Variants in SH3PXD2B observed in about 807,000 individuals in gnomAD.
SH3PXD2B encodes SH3 and PX domain-containing protein 2B.
Under a neutral mutation model 73.1 loss-of-function variants are expected in SH3PXD2B, and 37 were observed. The ratio of observed to expected loss-of-function variants is 0.51; its 90% confidence interval spans 0.39 to 0.67. The LOEUF (loss-of-function observed/expected upper bound fraction) is 0.67, where lower values mean the gene tolerates loss of function less well. Ranked by LOEUF, SH3PXD2B falls within the 30% of genes least tolerant of loss-of-function variation. The probability of loss-of-function intolerance (pLI) is 0.00; values close to 1 mark genes in which losing one functional copy is unlikely to be tolerated. For missense variants in SH3PXD2B, 1,053 were observed against 1,197.8 expected, an observed-to-expected ratio of 0.88 and a Z score of 1.78; for synonymous variants, 457 against 480.5, an observed-to-expected ratio of 0.95 and a Z score of 0.64.
In SH3PXD2B at chr5:172,432,927, G is replaced by A. The variant is rs1482873854; in HGVS notation, c.76-10431C>T. ...ACTCTGTCTGTCTCAAAAAAAAAAG[G>A]GGGGGGGGGGGGAAGAATTGACTGT... On this transcript the variant is annotated intron_variant, in intron 1 of 12. Transcript: ENST00000311601. Among the ~76,000 whole-genome samples the A allele has an allele frequency of 3.6e-3, 151 of 42,038 alleles. 3 individuals carry two copies. Among genetic ancestry groups the A allele is most frequent in the African/African-American group, 0.012 (119 of 9,742 alleles). 27.6% of individuals were successfully genotyped at this position (42,038 alleles called of 152,430 possible).
chr5:172,447,129 A>C (rs1203827939), intron 1 of SH3PXD2B, among the ~76,000 whole-genome samples: 4 of 152,234 alleles, frequency 2.6e-5, no homozygotes, highest in Non-Finnish European at 2.9e-5. Context: ...TTTTATTTTT[A>C]CTAAAAACAA....
intron 1 of SH3PXD2B, among the ~76,000 whole-genome samples, chr5:172,431,446 C>T (rs1272509631): frequency 6.6e-6 from 1 of 152,246 alleles, no homozygotes; most frequent in East Asian, 1.9e-4. Context: ...CCAGGCCTGC[C>T]CGCCCACCGG....
intron 12 of SH3PXD2B, among the ~76,000 whole-genome samples, chr5:172,340,259 G>A (rs1756822156): frequency 6.6e-6 from 1 of 152,216 alleles, no homozygotes; most frequent in South Asian, 2.1e-4. Flanking sequence ...GCAAGTTATT[G>A]CTCGGGGCCA....
At chr5:172,409,296 T>C (rs6891213) in intron 2 of SH3PXD2B, among the ~76,000 whole-genome samples, 65,127 of 151,798 alleles carry the variant, frequency 0.43, 14,743 homozygotes, top group East Asian at 0.7. Context: ...GCAGGAGAAT[T>C]GCTTGAACCT....
intron 1 of SH3PXD2B, among the ~76,000 whole-genome samples, chr5:172,449,141 T>C (rs1759739441): frequency 6.6e-6 from 1 of 152,152 alleles, no homozygotes. Context: ...TGCAGAGCCA[T>C]CACTCCAGGG....
At chr5:172,329,083 A>ATATTT (rs58472514), downstream of SH3PXD2B, among the ~76,000 whole-genome samples, 99 of 61,798 alleles carry the variant, frequency 1.6e-3, 3 homozygotes, top group East Asian at 6.7e-3. Context: ...ATATATATAT[A>ATATTT]TTTTTTTTTT....
intron 1 of SH3PXD2B, among the ~76,000 whole-genome samples, chr5:172,433,854 C>T (rs1759308388): frequency 6.6e-6 from 1 of 152,168 alleles, no homozygotes; most frequent in Non-Finnish European, 1.5e-5. Context: ...AATCTCTGCT[C>T]ATGGTGGGAC....
chr5:172,345,151 C>T (rs964879048), intron 12 of SH3PXD2B, among the ~76,000 whole-genome samples: 4 of 146,504 alleles, frequency 2.7e-5, no homozygotes, highest in African/African-American at 1.1e-4. Flanking sequence ...GGCGTGCAGG[C>T]AGGCAGGCTA....
Position 172,335,414 on chromosome 5 carries a change from G to C in SH3PXD2B, c.*2955C>G. The C allele has an allele frequency of 8.2e-7, 1 of 1,215,166 alleles. No individual in the cohort carries two copies. The allele number at this position is 1,215,166 out of a possible 1,614,324, so 75.3% of individuals were successfully genotyped here. A position where few individuals can be genotyped will look rare whatever the true frequency, so the allele number is the denominator to read the frequency against. ...AATGGCAGAGAAAAGTCATGGACACGAGGGAAAGAACAACAACAACAAAAC... is the reference window on the plus strand; with the variant it reads ...AATGGCAGAGAAAAGTCATGGACACCAGGGAAAGAACAACAACAACAAAAC... On this transcript the variant is annotated 3_prime_UTR_variant, in exon 13 of 13. Transcript: ENST00000311601.
rs184714130 is a variant in SH3PXD2B at position 172,352,330 on chromosome 5, T to C, written c.785+1558A>G. 1.4e-3 allele frequency among the ~76,000 whole-genome samples: 220 copies of C among 152,324 alleles called. 2 individuals are homozygous for C. The highest frequency in any genetic ancestry group is 5.0e-3 in the African/African-American group (209 of 41,574). ...GCCTCAAACTCTTGGGCTCGAGTGATCCTCCTGCCTCAGCCTCCTGGGTAG... is the reference window on the plus strand; with the variant it reads ...GCCTCAAACTCTTGGGCTCGAGTGACCCTCCTGCCTCAGCCTCCTGGGTAG... On this transcript the variant is annotated intron_variant, in intron 9 of 12. Coordinates refer to ENST00000311601, the MANE Select transcript of SH3PXD2B (RefSeq NM_001017995.3).
downstream of SH3PXD2B, among the ~76,000 whole-genome samples, chr5:172,330,480 A>C (rs1448118993): frequency 1.3e-5 from 2 of 152,234 alleles, no homozygotes; most frequent in Non-Finnish European, 2.9e-5. Context: ...ATGGTATCAC[A>C]GTCAAATACA....
intron 8 of SH3PXD2B, among the ~76,000 whole-genome samples, chr5:172,357,889 A>G (rs1447168875): frequency 6.6e-6 from 1 of 152,230 alleles, no homozygotes; most frequent in Admixed American, 6.5e-5. Context: ...ATGTGGCTCC[A>G]TGCTTTCTCT....
At chr5:172,404,317 T>A (rs1561925401) in intron 3 of SH3PXD2B, among the ~76,000 whole-genome samples, 1 of 134,456 alleles carries the variant, frequency 7.4e-6, no homozygotes, top group African/African-American at 2.6e-5. Context: ...TATATATATA[T>A]TTTTTTTTGA....
At chr5:172,386,435 C>T (rs764196630) in intron 4 of SH3PXD2B, among the ~76,000 whole-genome samples, 14 of 152,146 alleles carry the variant, frequency 9.2e-5, no homozygotes, top group Admixed American at 2.0e-4. Context: ...TCTTTCAACC[C>T]TCTTTAATTT....
chr5:172,439,275 ACAAAAC>A (rs1561583501), intron 1 of SH3PXD2B, among the ~76,000 whole-genome samples: 681 of 52,562 alleles, frequency 0.013, 46 homozygotes, highest in African/African-American at 0.043. Context: ...AAAAACAAAA[ACAAAAC>A]AAAAAAAAAA....
At chr5:172,392,465 G>C (rs1304450610) in intron 4 of SH3PXD2B, among the ~76,000 whole-genome samples, 2 of 152,124 alleles carry the variant, frequency 1.3e-5, no homozygotes, top group Admixed American at 6.5e-5. Flanking sequence ...TATCTCAACT[G>C]TTTGTTAAAA....
In SH3PXD2B at chr5:172,382,108, G is replaced by T. The variant is rs776745582; in HGVS notation, c.329C>A (p.Pro110His). ...CACCTCATCACACTGAGAGATGTAG[G>T]GGGGCAGCTGGATGAGGGCCTGGAG... ...EYCKALIQLP[P>H]YISQCDEVLQ... The change falls in exon 5 of 13, where the codon CCC (proline) becomes CAC (histidine). Residue 110 changes from proline (P) to histidine (H), a missense_variant. By Grantham distance (77) the Pro-to-His change is moderately conservative (BLOSUM62 -2). Coordinates refer to ENST00000311601, the MANE Select transcript of SH3PXD2B (RefSeq NM_001017995.3). 2 of 1,609,040 alleles carry T rather than the reference G, an allele frequency of 1.2e-6. No individual in the cohort carries two copies. Among genetic ancestry groups the T allele is most frequent in the Non-Finnish European group, 1.7e-6 (2 of 1,178,002 alleles).
intron 6 of SH3PXD2B, among the ~76,000 whole-genome samples, chr5:172,366,882 G>A (rs1280080560): frequency 6.7e-6 from 1 of 148,270 alleles, no homozygotes; most frequent in Non-Finnish European, 1.5e-5. Flanking sequence ...TCTGCCCGCT[G>A]TGGCCTCCCA....
chr5:172,348,667 C>CTATCTATCTATCTATCTTATCT (rs1757069253), intron 10 of SH3PXD2B, among the ~76,000 whole-genome samples: 3 of 26,278 alleles, frequency 1.1e-4, no homozygotes, highest in African/African-American at 3.3e-4. Context: ...ATCTATCTAT[C>CTATCTATCTATCTATCTTATCT]TATCTATCTA....
Sources: gnomAD v4.1 joint callset for allele counts (sites outside exome capture counted in the v4.1 genomes callset) on GRCh38, gnomAD v4.1.1 for gene constraint, MANE v1.5 for transcripts, NCBI Gene and HGNC (gene_info 2026-07-23, HGNC 2026-07-21) for gene names.